The following POM121 variants were observed in gnomAD, a reference collection of about 807,000 sequenced individuals.
POM121 encodes the protein nuclear envelope pore membrane protein POM 121.
In POM121, 32 loss-of-function variants were observed where a neutral mutation model predicts 81.3. That is an observed-to-expected ratio of 0.39 (90% CI 0.30 to 0.53). POM121 has a LOEUF of 0.53. Ranked by LOEUF, POM121 falls within the 20% of genes least tolerant of loss-of-function variation. The pLI, the probability that POM121 is intolerant of heterozygous loss-of-function variation, is 0.66. For missense variants in POM121, 1,138 were observed against 1,614.6 expected (o/e 0.70, Z 5.06); for synonymous variants, 514 against 694.2 (o/e 0.74, Z 4.08).
chr7:72,931,537 G>A (rs1238398383), intron 5 of POM121, among the ~76,000 whole-genome samples: 1 of 150,268 alleles, frequency 6.7e-6, no homozygotes, highest in South Asian at 2.1e-4. Flanking sequence ...CAAAAATGTC[G>A]GTTTATAATT....
At chr7:72,935,042 CAA>C (rs1192083787) in intron 5 of POM121, among the ~76,000 whole-genome samples, 4 of 132,984 alleles carry the variant, frequency 3.0e-5, no homozygotes, top group African/African-American at 5.5e-5. Flanking sequence ...TCAATTTCCA[CAA>C]AAAAAAAAAA....
At chr7:72,939,170 A>G (rs1796817430) in intron 6 of POM121, among the ~76,000 whole-genome samples, 166 bp from the exon 7 acceptor site, 5 of 152,146 alleles carry the variant, frequency 3.3e-5, no homozygotes, top group Admixed American at 3.3e-4. Flanking sequence ...GCCTCCCTTC[A>G]TTCTGTTGGA....
intron 3 of POM121, 86 bp from the exon 4 acceptor site, chr7:72,928,299 T>G: frequency 6.5e-7 from 1 of 1,538,040 alleles, no homozygotes; most frequent in South Asian, 1.1e-5. Flanking sequence ...ATAGAGATAG[T>G]ATAAGGTCCC....
In POM121 at chr7:72,943,329, G is replaced by C; in HGVS notation, c.3336G>C (p.Gly1112=). ...SAAPAGSGSF[G]INVATPGSST... is the part of the protein sequence containing the mutation. ...CCCCCGCTGGCAGTGGGAGCTTTGG[G>C]ATCAATGTGGCCACCCCAGGCTCCA... is the stretch of plus-strand genomic sequence containing the variant. Residue 1112 remains glycine, a synonymous_variant, in exon 11 of 13, where the codon GGG becomes GGC. Transcript: ENST00000434423. 6.2e-7 allele frequency: 1 copy of C among 1,607,152 alleles called. No homozygotes were observed. Among genetic ancestry groups the C allele is most frequent in the Non-Finnish European group, 8.5e-7 (1 of 1,177,124 alleles).
At chr7:72,888,942 T>C (rs1478717392) in intron 1 of POM121, among the ~76,000 whole-genome samples, 1 of 152,180 alleles carries the variant, frequency 6.6e-6, no homozygotes, top group Non-Finnish European at 1.5e-5. Flanking sequence ...TGTGTTATAG[T>C]GGCTTATCAT....
chr7:72,949,528 G>A (rs782435730), downstream of POM121: 11 of 920,308 alleles, frequency 1.2e-5, no homozygotes, highest in South Asian at 1.7e-4. Context: ...AGCTGAGCAT[G>A]CATGGAGCAG....
intron 3 of POM121, among the ~76,000 whole-genome samples, chr7:72,898,833 T>C (rs1429479306): frequency 1.3e-5 from 2 of 148,768 alleles, no homozygotes; most frequent in Non-Finnish European, 3.0e-5. Context: ...GAGTCTTCAA[T>C]GTGGCAACAG....
Position 72,947,988 on chromosome 7 carries a change from A to C in POM121, c.*1754A>C. ...ACCTCAAGCCTAAATACCTGTTAGG[A>C]TTGGAGGGTCTGGGTGGGCCTGGGC... On this transcript the variant is annotated 3_prime_UTR_variant, in exon 13 of 13. Coordinates refer to ENST00000434423, the MANE Select transcript of POM121 (RefSeq NM_001387691.1). 3 of 1,089,766 alleles carry C rather than the reference A, an allele frequency of 2.8e-6. No individual in the cohort carries two copies. The South Asian group carries it at 8.3e-5, about 30-fold the overall frequency. 67.5% of individuals were successfully genotyped at this position (1,089,766 alleles called of 1,614,324 possible). A position where few individuals can be genotyped will look rare whatever the true frequency, so the allele number is the denominator to read the frequency against.
downstream of POM121, chr7:72,949,334 C>A: frequency 1.2e-6 from 1 of 809,788 alleles, no homozygotes. Context: ...CAGGAAGGAT[C>A]CAGCAGGACA....
chr7:72,916,513 C>G (rs532649167), intron 4 of POM121, among the ~76,000 whole-genome samples: 269 of 152,248 alleles, frequency 1.8e-3, no homozygotes, highest in Middle Eastern at 3.4e-3. Flanking sequence ...CTATTCTGTT[C>G]CATTGGTCTA....
intron 1 of POM121, among the ~76,000 whole-genome samples, chr7:72,881,208 G>C (rs1790125011): frequency 6.6e-6 from 1 of 151,896 alleles, no homozygotes. Flanking sequence ...GGGACTACAG[G>C]CATGTGACAC....
intron 5 of POM121, among the ~76,000 whole-genome samples, chr7:72,936,217 A>C (rs1554499437): frequency 6.6e-6 from 1 of 152,022 alleles, no homozygotes; most frequent in African/African-American, 2.4e-5. Flanking sequence ...GGTAGAGATG[A>C]GACTTCACTA....
In POM121 at chr7:72,894,906, C is replaced by T. The variant is rs1438460980; in HGVS notation, c.-216+3796C>T. 2.0e-5 allele frequency among the ~76,000 whole-genome samples: 3 copies of T among 152,302 alleles called. No individual in the cohort carries two copies. The East Asian group carries it at 5.8e-4, about 29-fold the overall frequency. The stretch of plus-strand genomic sequence containing the variant: ...GCTGTGGTGTGATCATAGCTCATGG[C>T]AGCTTTGAACTCCTGGGCTCGAGCA... On this transcript the variant is annotated intron_variant, in intron 3 of 15. Transcript: ENST00000395270.
intron 3 of POM121, among the ~76,000 whole-genome samples, chr7:72,900,585 A>G (rs1356537695): frequency 6.6e-6 from 1 of 151,692 alleles, no homozygotes; most frequent in Non-Finnish European, 1.5e-5. Context: ...GCTCACTGCA[A>G]CCTCCACCTC....
chr7:72,926,522 T>G (rs782098908), intron 2 of POM121, 45 bp downstream of exon 2: 17 of 1,609,052 alleles, frequency 1.1e-5, no homozygotes, highest in Admixed American at 1.7e-5. Context: ...TCGTGTCCAC[T>G]TTATTCTTCT....
chr7:72,925,465 C>T lies in POM121; in HGVS notation c.344C>T (p.Ala115Val), dbSNP rs2129577732. The T allele has an allele frequency of 6.5e-7, 1 of 1,533,804 alleles. No individual in the cohort carries two copies. Among genetic ancestry groups the T allele is most frequent in the South Asian group, 1.2e-5 (1 of 83,960 alleles). The change falls in exon 1 of 13, where the codon GCC (alanine) becomes GTC (valine). Residue 115 changes from alanine to valine, a missense_variant. Physicochemically the swap from Ala to Val is moderately conservative, Grantham distance 64 (BLOSUM62 0). Transcript: ENST00000434423. Reference protein sequence around the residue: ...LFASPLAKSTANGNLLEPRTL... With the variant: ...LFASPLAKSTVNGNLLEPRTL... ...GCTTCGCCTCTGGCCAAGTCGACAGCCAACGGAAACCTCCTAGAGCCGCGG... is the reference window on the plus strand; with the variant it reads ...GCTTCGCCTCTGGCCAAGTCGACAGTCAACGGAAACCTCCTAGAGCCGCGG...
intron 4 of POM121, among the ~76,000 whole-genome samples, chr7:72,915,055 A>T (rs1172787651): frequency 6.6e-6 from 1 of 152,196 alleles, no homozygotes; most frequent in African/African-American, 2.4e-5. Flanking sequence ...TCCAAACACA[A>T]ACTTGACCAG....
At chr7:72,917,787 C>A (rs1354691640) in intron 4 of POM121, among the ~76,000 whole-genome samples, 1 of 152,138 alleles carries the variant, frequency 6.6e-6, no homozygotes, top group African/African-American at 2.4e-5. Flanking sequence ...CAGCTGGGCC[C>A]GGGGGACCAC....
At chr7:72,890,458 A>G (rs1791193762) in intron 1 of POM121, among the ~76,000 whole-genome samples, 1 of 152,176 alleles carries the variant, frequency 6.6e-6, no homozygotes, top group African/African-American at 2.4e-5. Context: ...TTGTATATAT[A>G]TAAAGGACCC....
Sources: gnomAD v4.1 joint callset for allele counts (sites outside exome capture counted in the v4.1 genomes callset) on GRCh38, gnomAD v4.1.1 for gene constraint, MANE v1.5 for transcripts, NCBI Gene and HGNC (gene_info 2026-07-23, HGNC 2026-07-21) for gene names.